PPP2R2C: variants seen among roughly 807,000 people sequenced by gnomAD.
The protein encoded by PPP2R2C is protein phosphatase 2, regulatory subunit B, gamma.
Under a neutral mutation model 45.3 loss-of-function variants are expected in PPP2R2C, and 10 were observed. That is an observed-to-expected ratio of 0.22 (90% confidence interval 0.14 to 0.37). PPP2R2C has a LOEUF of 0.37. PPP2R2C is among the 10% of genes least tolerant of loss of function. The pLI, the probability that PPP2R2C is intolerant of heterozygous loss-of-function variation, is 1.00. For missense variants in PPP2R2C, 308 were observed against 619.7 expected (o/e 0.50, Z 5.34); for synonymous variants, 257 against 245.4 (o/e 1.05, Z -0.44).
intron 2 of PPP2R2C, among the ~76,000 whole-genome samples, chr4:6,477,749 A>AAAC (rs1316790256): frequency 6.6e-6 from 1 of 151,274 alleles, no homozygotes. Flanking sequence ...AAAAAAAAAA[A>AAAC]AAAACTGGAA....
chr4:6,426,397 T>C (rs182787625), intron 1 of PPP2R2C, among the ~76,000 whole-genome samples: 14 of 152,310 alleles, frequency 9.2e-5, no homozygotes, highest in Admixed American at 6.5e-4. Flanking sequence ...GTGTGCTGGC[T>C]CCAGGGTGGG....
chr4:6,533,899 A>G (rs116130752), intron 2 of PPP2R2C, among the ~76,000 whole-genome samples: 344 of 152,200 alleles, frequency 2.3e-3, no homozygotes, highest in Middle Eastern at 0.017. Flanking sequence ...TCAACATACA[A>G]CAAAACATAC....
At chr4:6,517,098 G>A (rs762536585) in intron 2 of PPP2R2C, among the ~76,000 whole-genome samples, 4 of 152,172 alleles carry the variant, frequency 2.6e-5, no homozygotes, top group Non-Finnish European at 4.4e-5. Context: ...AGCCCCAGGC[G>A]GGAGGGAGAC....
chr4:6,415,964 G>A (rs1333603834), intron 1 of PPP2R2C, among the ~76,000 whole-genome samples: 1 of 152,192 alleles, frequency 6.6e-6, no homozygotes, highest in Non-Finnish European at 1.5e-5. Context: ...CCCAAACAGA[G>A]CACCCCAACT....
At chr4:6,430,743 G>A (rs1469551626) in intron 1 of PPP2R2C, among the ~76,000 whole-genome samples, 2 of 152,038 alleles carry the variant, frequency 1.3e-5, no homozygotes, top group Admixed American at 1.3e-4. Context: ...TGGCCAACAT[G>A]GTGAAACACC....
At chr4:6,512,551 G>C (rs1560595584) in intron 2 of PPP2R2C, among the ~76,000 whole-genome samples, 27 of 110,592 alleles carry the variant, frequency 2.4e-4, no homozygotes, top group African/African-American at 5.3e-4. Flanking sequence ...GGTGATGGTG[G>C]TGATGGTGGT....
chr4:6,493,984 C>G (rs1241260341), intron 2 of PPP2R2C, among the ~76,000 whole-genome samples: 1 of 152,164 alleles, frequency 6.6e-6, no homozygotes, highest in African/African-American at 2.4e-5. Flanking sequence ...CTCATTTGCC[C>G]CACGCCTCGG....
intron 5 of PPP2R2C, chr4:6,349,099 A>G (rs6822123): frequency 0.71 from 696,357 of 984,634 alleles, 246,524 homozygotes; most frequent in South Asian, 0.74. Flanking sequence ...AAGGACTGGC[A>G]CCCCCGAGCT....
At chr4:6,515,506 G>C (rs1228291395) in intron 2 of PPP2R2C, among the ~76,000 whole-genome samples, 1 of 152,168 alleles carries the variant, frequency 6.6e-6, no homozygotes, top group East Asian at 1.9e-4. Flanking sequence ...TTGTGTCCTG[G>C]TTTTCTCATG....
At chr4:6,554,453 TC>T (rs1168582732) in intron 1 of PPP2R2C, among the ~76,000 whole-genome samples, 1 of 152,178 alleles carries the variant, frequency 6.6e-6, no homozygotes, top group African/African-American at 2.4e-5. Flanking sequence ...CATGAGACAA[TC>T]AATTTCCTTT....
At chr4:6,481,044 C>T (rs1412529810) in intron 2 of PPP2R2C, among the ~76,000 whole-genome samples, 1 of 152,152 alleles carries the variant, frequency 6.6e-6, no homozygotes, top group Non-Finnish European at 1.5e-5. Flanking sequence ...ATAATTGTAT[C>T]CTCTGCTGTT....
At chr4:6,470,301 T>A (rs529883858) in intron 1 of PPP2R2C, among the ~76,000 whole-genome samples, 12 of 152,276 alleles carry the variant, frequency 7.9e-5, no homozygotes, top group African/African-American at 2.9e-4. Flanking sequence ...ATATCTCGTG[T>A]CTGGATGAAG....
At chr4:6,402,762 T>C (rs1162215698) in intron 1 of PPP2R2C, among the ~76,000 whole-genome samples, 1 of 152,172 alleles carries the variant, frequency 6.6e-6, no homozygotes, top group Non-Finnish European at 1.5e-5. Context: ...AGGCACTGCA[T>C]AACCTGAAGG....
At chr4:6,425,938 G>A (rs1184922512) in intron 1 of PPP2R2C, among the ~76,000 whole-genome samples, 1 of 152,054 alleles carries the variant, frequency 6.6e-6, no homozygotes, top group East Asian at 1.9e-4. Context: ...GTGTGTTGCG[G>A]GGAGAGGCAC....
chr4:6,511,795 GTGATGGTGGTGT>G (rs1560594377), intron 2 of PPP2R2C, among the ~76,000 whole-genome samples: 1 of 33,752 alleles, frequency 3.0e-5, no homozygotes, highest in Non-Finnish European at 7.3e-5. Context: ...GGTGGTGATG[GTGATGGTGGTGT>G]TGGTGGTGGT....
chr4:6,453,165 C>A (rs994165268), intron 1 of PPP2R2C, among the ~76,000 whole-genome samples: 2 of 151,964 alleles, frequency 1.3e-5, no homozygotes, highest in African/African-American at 2.4e-5. Flanking sequence ...CTTGAAGGGA[C>A]CCCCCCACAG....
intron 1 of PPP2R2C, among the ~76,000 whole-genome samples, chr4:6,416,757 C>T (rs1048433722): frequency 1.3e-5 from 2 of 152,226 alleles, no homozygotes; most frequent in African/African-American, 4.8e-5. Flanking sequence ...ACTTCGGGAA[C>T]CCTGCAGGAG....
intron 5 of PPP2R2C, chr4:6,351,347 A>T (rs933185055): frequency 1.4e-5 from 14 of 972,980 alleles, no homozygotes; most frequent in South Asian, 9.5e-5. Context: ...ATTAATTAAT[A>T]AAAGTATGCA....
At chr4:6,436,642 T>C (rs556919546) in intron 1 of PPP2R2C, among the ~76,000 whole-genome samples, 1 of 152,274 alleles carries the variant, frequency 6.6e-6, no homozygotes, top group African/African-American at 2.4e-5. Flanking sequence ...TCCATATGAG[T>C]CATTGACATG....
Sources: gnomAD v4.1 joint callset for allele counts (sites outside exome capture counted in the v4.1 genomes callset) on GRCh38, gnomAD v4.1.1 for gene constraint, MANE v1.5 for transcripts, NCBI Gene and HGNC (gene_info 2026-07-23, HGNC 2026-07-21) for gene names.